ZNF804A: variants seen among roughly 807,000 people sequenced by gnomAD.
ZNF804A encodes the protein zinc finger protein 804A.
ZNF804A carries 2 observed loss-of-function variants against 16.5 expected under a neutral mutation model. That is an observed-to-expected ratio of 0.12 (90% CI 0.05 to 0.38). ZNF804A has a LOEUF of 0.38. ZNF804A is among the 10% of genes least tolerant of loss of function. The probability of loss-of-function intolerance (pLI) is 0.99; values close to 1 mark genes in which losing one functional copy is unlikely to be tolerated. For missense variants in ZNF804A, 1,473 were observed against 1,390.7 expected (o/e 1.06, Z -0.94); for synonymous variants, 534 against 489.6 (o/e 1.09, Z -1.20).
intron 1 of ZNF804A, among the ~76,000 whole-genome samples, chr2:184,753,241 T>C (rs1276892544): frequency 1.3e-5 from 2 of 151,688 alleles, no homozygotes; most frequent in East Asian, 3.9e-4. Flanking sequence ...ATAATAATTA[T>C]GTATTTACAA....
At chr2:184,723,499 T>C (rs1164535418) in intron 1 of ZNF804A, among the ~76,000 whole-genome samples, 1 of 151,824 alleles carries the variant, frequency 6.6e-6, no homozygotes. Flanking sequence ...TTGGGCTGTA[T>C]TGTAACTATA....
intron 1 of ZNF804A, among the ~76,000 whole-genome samples, chr2:184,761,847 A>G (rs1164549196): frequency 6.6e-6 from 1 of 152,150 alleles, no homozygotes. Context: ...TTTAGGATGT[A>G]TGGATCTGGC....
chr2:184,723,982 A>T (rs888653119), intron 1 of ZNF804A, among the ~76,000 whole-genome samples: 8 of 151,774 alleles, frequency 5.3e-5, no homozygotes, highest in Non-Finnish European at 1.2e-4. Flanking sequence ...TTAGAAATTA[A>T]TGAAGATCCT....
chr2:184,925,319 T>G (rs2105838731), intron 2 of ZNF804A, among the ~76,000 whole-genome samples: 1 of 152,084 alleles, frequency 6.6e-6, no homozygotes, highest in South Asian at 2.1e-4. Flanking sequence ...GTTGTTGTCA[T>G]CGAATCTGTT....
At chr2:184,785,713 T>C (rs926182612) in intron 1 of ZNF804A, among the ~76,000 whole-genome samples, 1 of 152,026 alleles carries the variant, frequency 6.6e-6, no homozygotes, top group Admixed American at 6.6e-5. Flanking sequence ...TGTGTATGCA[T>C]ATACAAGAAC....
At chr2:184,812,212 T>C (rs1694911935) in intron 1 of ZNF804A, among the ~76,000 whole-genome samples, 1 of 152,194 alleles carries the variant, frequency 6.6e-6, no homozygotes, top group African/African-American at 2.4e-5. Flanking sequence ...AATATTCAAC[T>C]AAAATGAAAA....
intron 1 of ZNF804A, among the ~76,000 whole-genome samples, chr2:184,823,228 A>G (rs1695109231): frequency 1.3e-5 from 2 of 152,046 alleles, no homozygotes. Context: ...GGAAAGGCAG[A>G]AAGGGCCCAC....
chr2:184,857,251 G>A (rs1469480261), intron 1 of ZNF804A, among the ~76,000 whole-genome samples: 1 of 151,922 alleles, frequency 6.6e-6, no homozygotes, highest in Non-Finnish European at 1.5e-5. Flanking sequence ...TTGTTCAGAA[G>A]CATGTTGTTT....
At chr2:184,786,046 G>A (rs1437568304) in intron 1 of ZNF804A, among the ~76,000 whole-genome samples, 1 of 152,000 alleles carries the variant, frequency 6.6e-6, no homozygotes, top group Non-Finnish European at 1.5e-5. Flanking sequence ...ATGAAAATCA[G>A]TAATAATATG....
At chr2:184,607,212 A>G (rs1310639307) in intron 1 of ZNF804A, among the ~76,000 whole-genome samples, 1 of 152,212 alleles carries the variant, frequency 6.6e-6, no homozygotes, top group Admixed American at 6.5e-5. Flanking sequence ...ACAGCTTACC[A>G]CACATGTTTA....
chr2:184,796,820 T>A (rs1331527805), intron 1 of ZNF804A, among the ~76,000 whole-genome samples: 2 of 152,138 alleles, frequency 1.3e-5, no homozygotes, highest in Admixed American at 1.3e-4. Flanking sequence ...TTGGGGTAGG[T>A]TGTGTCATTA....
At chr2:184,836,078 C>T (rs933272376) in intron 1 of ZNF804A, among the ~76,000 whole-genome samples, 1 of 147,884 alleles carries the variant, frequency 6.8e-6, no homozygotes, top group African/African-American at 2.6e-5. Flanking sequence ...CCTCCTTTCC[C>T]TATCTATAAA....
intron 1 of ZNF804A, among the ~76,000 whole-genome samples, chr2:184,750,129 TGTTG>T (rs1574194243): frequency 1.3e-5 from 2 of 151,402 alleles, no homozygotes; most frequent in Admixed American, 6.6e-5. Flanking sequence ...TATTTACTTG[TGTTG>T]GTTAATTTTT....
At chr2:184,742,866 C>T (rs1693730586) in intron 1 of ZNF804A, among the ~76,000 whole-genome samples, 1 of 151,778 alleles carries the variant, frequency 6.6e-6, no homozygotes, top group African/African-American at 2.4e-5. Flanking sequence ...CTAATAGGAA[C>T]AGATCTCAAT....
intron 2 of ZNF804A, among the ~76,000 whole-genome samples, chr2:184,871,705 G>A (rs1171655117): frequency 6.6e-6 from 1 of 151,952 alleles, no homozygotes; most frequent in Non-Finnish European, 1.5e-5. Flanking sequence ...TGAACATGTA[G>A]AAATGTCCTA....
chr2:184,827,737 A>C (rs926299828), intron 1 of ZNF804A, among the ~76,000 whole-genome samples: 2 of 151,422 alleles, frequency 1.3e-5, no homozygotes, highest in African/African-American at 2.4e-5. Flanking sequence ...TTATTGGCTG[A>C]ATTAGTAATT....
chr2:184,627,019 T>G (rs1044051253), intron 1 of ZNF804A, among the ~76,000 whole-genome samples: 1 of 152,144 alleles, frequency 6.6e-6, no homozygotes, highest in Non-Finnish European at 1.5e-5. Flanking sequence ...AAACGAAATT[T>G]CTTGCAGTGT....
chr2:184,683,500 C>A (rs1301383596), intron 1 of ZNF804A, among the ~76,000 whole-genome samples: 2 of 152,100 alleles, frequency 1.3e-5, no homozygotes, highest in Admixed American at 1.3e-4. Flanking sequence ...ACTTTCCCAC[C>A]ATTTATTGTT....
intron 1 of ZNF804A, among the ~76,000 whole-genome samples, chr2:184,610,545 GA>G (rs1691219667): frequency 6.6e-6 from 1 of 151,918 alleles, no homozygotes. Context: ...CAAAAAGATG[GA>G]ATTATATGTA....
Sources: gnomAD v4.1 joint callset for allele counts (sites outside exome capture counted in the v4.1 genomes callset) on GRCh38, gnomAD v4.1.1 for gene constraint, MANE v1.5 for transcripts, NCBI Gene and HGNC (gene_info 2026-07-23, HGNC 2026-07-21) for gene names.